FNIP2: variants seen among roughly 807,000 people sequenced by gnomAD.
FNIP2 encodes folliculin-interacting protein 2.
A neutral mutation model predicts 108.7 loss-of-function variants in FNIP2; 32 were observed. The ratio of observed to expected loss-of-function variants is 0.29; its 90% CI spans 0.22 to 0.40. The LOEUF (loss-of-function observed/expected upper bound fraction) is 0.40. FNIP2 is among the 10% of genes least tolerant of loss of function. The pLI, the probability that FNIP2 is intolerant of heterozygous loss-of-function variation, is 1.00. For missense variants in FNIP2, 1,202 were observed against 1,381.6 expected (o/e 0.87, Z 2.06); for synonymous variants, 480 against 496.7 (o/e 0.97, Z 0.45).
chr4:158,868,479 G>A lies in FNIP2; in HGVS notation c.1843G>A (p.Asp615Asn). Residue 615 changes from aspartate to asparagine, a missense_variant, in exon 13 of 17, where the codon GAC becomes AAC. This residue lies in a region of FNIP2 where 878 missense variants were observed against 990.3 expected (regional missense o/e 0.89). Coordinates refer to ENST00000264433, the MANE Select transcript of FNIP2 (RefSeq NM_020840.3). The surrounding 1 kb of genome is among the most constrained non-coding windows in gnomAD (Gnocchi z 4.6). ...TDSRDLGLKP[D>N]KEANRRPEQG... is the part of the protein sequence containing the mutation. ...CAGTAGAGACCTGGGTCTTAAACCT[G>A]ACAAAGAAGCTAACAGGAGGCCAGA... 1 of 1,614,030 alleles carries A rather than the reference G, an allele frequency of 6.2e-7. No individual in the cohort carries two copies.
At chr4:158,774,215 G>A (rs1272550498) in intron 1 of FNIP2, among the ~76,000 whole-genome samples, 8 of 152,158 alleles carry the variant, frequency 5.3e-5, no homozygotes, top group Non-Finnish European at 8.8e-5. Flanking sequence ...TGCAGAATAG[G>A]CCAGCAACAC....
intron 16 of FNIP2, 82 bp from the exon 17 acceptor site, chr4:158,904,384 A>T: frequency 8.0e-7 from 1 of 1,253,426 alleles, no homozygotes; most frequent in Non-Finnish European, 1.2e-6. Context: ...TAGAAATAAT[A>T]CTTTCTCATA....
chr4:158,888,529 T>C (rs1038495616), intron 14 of FNIP2, among the ~76,000 whole-genome samples: 1 of 152,240 alleles, frequency 6.6e-6, no homozygotes, highest in African/African-American at 2.4e-5. Context: ...TTCTTGTCAG[T>C]TTGTCTCAAT....
intron 15 of FNIP2, among the ~76,000 whole-genome samples, chr4:158,894,933 T>G (rs1782545176): frequency 6.6e-6 from 1 of 152,166 alleles, no homozygotes. Context: ...TGTTAATCTT[T>G]TTACCTTGAA....
chr4:158,796,533 C>A (rs899705168), intron 1 of FNIP2, among the ~76,000 whole-genome samples: 2 of 151,998 alleles, frequency 1.3e-5, no homozygotes, highest in African/African-American at 4.8e-5. Context: ...CCTTCTTGGG[C>A]AAAATCATTA....
At chr4:158,893,297 G>A (rs1248134922) in intron 15 of FNIP2, 1 of 165,082 alleles carries the variant, frequency 6.1e-6, no homozygotes, top group African/African-American at 2.4e-5. Context: ...TCAAATCCAA[G>A]TTCTGCTACT....
intron 15 of FNIP2, 108 bp from the exon 16 acceptor site, chr4:158,895,642 T>G: frequency 3.2e-5 from 22 of 680,372 alleles, no homozygotes; most frequent in Middle Eastern, 3.0e-4. Flanking sequence ...TTGAAACTGA[T>G]GAGATAAAAG....
At chr4:158,781,034 CA>C (rs70962632) in intron 1 of FNIP2, among the ~76,000 whole-genome samples, 49,152 of 130,310 alleles carry the variant, frequency 0.38, 9,321 homozygotes, top group East Asian at 0.85. Context: ...GAGTCCTTCT[CA>C]AAAAAAAAAA....
intron 16 of FNIP2, among the ~76,000 whole-genome samples, chr4:158,899,860 G>C (rs1451775657): frequency 6.6e-6 from 1 of 152,092 alleles, no homozygotes; most frequent in Non-Finnish European, 1.5e-5. Flanking sequence ...GTTCTGCTCT[G>C]ATCTTAGTTA....
In FNIP2 at chr4:158,854,974, A is replaced by AGG. The variant is rs1271294662; in HGVS notation, c.857+3525_857+3526insGG. ...ATAGTATTTCTATAATAGGTTTTAC[A>AGG]GTTAGCTTTGGGGAAAAAAGAGGCT... On this transcript the variant is annotated intron_variant, in intron 8 of 16. Coordinates refer to ENST00000264433, the MANE Select transcript of FNIP2 (RefSeq NM_020840.3). 9.2e-5 allele frequency among the ~76,000 whole-genome samples: 14 copies of AGG among 152,318 alleles called. No individual in the cohort carries two copies. In the South Asian group the frequency reaches 2.9e-3, roughly 32 times the overall value.
rs781687627 is a variant in FNIP2, at chr4:158,895,820, G to A, written c.3221G>A (p.Arg1074Gln). 11 of 1,613,060 alleles carry A rather than the reference G, an allele frequency of 6.8e-6. No individual in the cohort carries two copies. The highest frequency in any genetic ancestry group is 4.0e-5 in the African/African-American group (3 of 74,890). ...AGTAAAATGCTATCTGAATATCTCCGGGGACACACACGAGTCCATGTGAAA... is the reference window on the plus strand; with the variant it reads ...AGTAAAATGCTATCTGAATATCTCCAGGGACACACACGAGTCCATGTGAAA... ...LKSKMLSEYL[R>Q]GHTRVHVKEL... is the part of the protein sequence containing the mutation. The change falls in exon 16 of 17, where the codon CGG becomes CAG. Residue 1074 changes from arginine to glutamine, a missense_variant. By Grantham distance (43) the Arg-to-Gln change is conservative (BLOSUM62 1). Transcript: ENST00000264433.
At chr4:158,813,871 T>G (rs957314442) in intron 1 of FNIP2, among the ~76,000 whole-genome samples, 1 of 152,236 alleles carries the variant, frequency 6.6e-6, no homozygotes, top group Admixed American at 6.5e-5. Flanking sequence ...GTAAGGTCTG[T>G]GTCGAGATTC....
chr4:158,771,607 G>A (rs1048318129), intron 1 of FNIP2, among the ~76,000 whole-genome samples: 3 of 152,178 alleles, frequency 2.0e-5, no homozygotes, highest in Admixed American at 1.3e-4. Context: ...ATTAAAAATC[G>A]AGTATTCCTA....
chr4:158,818,487 G>C (rs1473296708), intron 1 of FNIP2, among the ~76,000 whole-genome samples: 1 of 152,112 alleles, frequency 6.6e-6, no homozygotes, highest in Non-Finnish European at 1.5e-5. Flanking sequence ...AAATCTTTTG[G>C]AATTAATCTG....
chr4:158,894,481 C>G (rs1782510478), intron 15 of FNIP2, among the ~76,000 whole-genome samples: 1 of 152,048 alleles, frequency 6.6e-6, no homozygotes, highest in Admixed American at 6.6e-5. Flanking sequence ...TAAAAGTTGT[C>G]TAAATGCTTT....
chr4:158,851,773 A>G (rs1779715580), intron 8 of FNIP2, among the ~76,000 whole-genome samples: 1 of 152,200 alleles, frequency 6.6e-6, no homozygotes, highest in South Asian at 2.1e-4. Context: ...TAAGTAATGA[A>G]GGGTGGATCA....
At chr4:158,790,069 TA>T (rs1207417792) in intron 1 of FNIP2, among the ~76,000 whole-genome samples, 2 of 151,992 alleles carry the variant, frequency 1.3e-5, no homozygotes, top group Non-Finnish European at 2.9e-5. Flanking sequence ...GCAAAATTAT[TA>T]AAAATATTAT....
chr4:158,844,457 A>G (rs1483898299), intron 7 of FNIP2, among the ~76,000 whole-genome samples: 2 of 152,206 alleles, frequency 1.3e-5, no homozygotes, highest in Non-Finnish European at 2.9e-5. Flanking sequence ...CCATTTTCAT[A>G]AAGGTGATGT....
chr4:158,851,378 C>G lies in FNIP2; in HGVS notation c.785C>G (p.Ser262Cys), dbSNP rs535927444. The change falls in exon 8 of 17, where the codon TCT becomes TGT. Residue 262 changes from serine to cysteine, a missense_variant. By Grantham distance (112) the Ser-to-Cys change is moderately radical. This residue lies in a region of FNIP2 where 878 missense variants were observed against 990.3 expected (regional missense o/e 0.89). Coordinates refer to ENST00000264433, the MANE Select transcript of FNIP2 (RefSeq NM_020840.3). ...PFPSPSSSTS[S>C]SSSYQRRWLR... Reference sequence around the variant, plus strand: ...CCATCTCCAAGCTCCTCTACATCTTCTTCCAGCAGTTACCAGCGCCGCTGG... The same window carrying G: ...CCATCTCCAAGCTCCTCTACATCTTGTTCCAGCAGTTACCAGCGCCGCTGG... The G allele has an allele frequency of 3.4e-5, 55 of 1,613,894 alleles. No homozygotes were observed. Among genetic ancestry groups the G allele is most frequent in the Non-Finnish European group, 3.6e-5 (43 of 1,179,890 alleles).
Sources: allele counts gnomAD v4.1 joint callset (sites outside exome capture counted in the v4.1 genomes callset), GRCh38; gene constraint gnomAD v4.1.1; regional missense constraint gnomAD v4.1.1; non-coding constraint Gnocchi (gnomAD v3.1); transcripts MANE v1.5; gene names NCBI Gene and HGNC (gene_info 2026-07-23, HGNC 2026-07-21).